Variants in CNTLN observed in about 807,000 individuals in gnomAD.
CNTLN encodes the protein centlein, centrosomal protein.
A neutral mutation model predicts 180.0 loss-of-function variants in CNTLN; 212 were observed. That is an observed-to-expected ratio of 1.18 (90% CI 1.05 to 1.32). CNTLN has a LOEUF of 1.32. Among genes scored for constraint, CNTLN ranks in the 40% most tolerant of loss-of-function variants. The probability of loss-of-function intolerance (pLI) is 0.00; values close to 1 mark genes in which losing one functional copy is unlikely to be tolerated. For missense variants in CNTLN, 2,095 were observed against 1,610.9 expected, an observed-to-expected ratio of 1.30 and a Z score of -5.14; for synonymous variants, 722 against 563.1, an observed-to-expected ratio of 1.28 and a Z score of -3.99.
At chr9:17,491,594 A>G (rs1338424784) in intron 25 of CNTLN, among the ~76,000 whole-genome samples, 3 of 151,912 alleles carry the variant, frequency 2.0e-5, no homozygotes, top group Non-Finnish European at 4.4e-5. Context: ...ATCCTTTTTT[A>G]GGTTTCATTT....
At chr9:17,285,192 C>T (rs1828908120) in intron 6 of CNTLN, among the ~76,000 whole-genome samples, 2 of 131,180 alleles carry the variant, frequency 1.5e-5, no homozygotes, top group East Asian at 4.7e-4. Flanking sequence ...GTGTGATATT[C>T]CCCTTCCTGT....
intron 12 of CNTLN, among the ~76,000 whole-genome samples, chr9:17,357,161 C>G (rs1822914145): frequency 6.6e-6 from 1 of 151,942 alleles, no homozygotes; most frequent in African/African-American, 2.4e-5. Context: ...CAAGATTTAT[C>G]CTTGTTGAAC....
intron 5 of CNTLN, among the ~76,000 whole-genome samples, chr9:17,250,921 A>G (rs531564739): frequency 2.6e-5 from 4 of 151,876 alleles, no homozygotes; most frequent in Non-Finnish European, 5.9e-5. Flanking sequence ...TCCATTTTGC[A>G]TTTCTTGTAG....
intron 25 of CNTLN, among the ~76,000 whole-genome samples, chr9:17,487,495 C>T (rs764214014): frequency 2.0e-5 from 3 of 152,144 alleles, no homozygotes; most frequent in Non-Finnish European, 4.4e-5. Context: ...CACAGCCAGA[C>T]AGCTGTTTAT....
intron 1 of CNTLN, among the ~76,000 whole-genome samples, chr9:17,142,039 G>A (rs4961525): frequency 4.0e-4 from 59 of 146,630 alleles, no homozygotes; most frequent in African/African-American, 1.4e-3. Flanking sequence ...CCGAGATTGC[G>A]CCACTGCACT....
chr9:17,369,764 A>T (rs1587803483), intron 13 of CNTLN, among the ~76,000 whole-genome samples: 1 of 151,830 alleles, frequency 6.6e-6, no homozygotes, highest in East Asian at 2.0e-4. Context: ...AGGTGGGAGG[A>T]TCACCTAATG....
intron 5 of CNTLN, among the ~76,000 whole-genome samples, chr9:17,267,648 C>T (rs1347374401): frequency 6.6e-6 from 1 of 152,142 alleles, no homozygotes; most frequent in Non-Finnish European, 1.5e-5. Flanking sequence ...CAACTTGGTT[C>T]CATTCTCCCC....
intron 2 of CNTLN, among the ~76,000 whole-genome samples, chr9:17,173,281 C>A (rs1034053968): frequency 1.3e-5 from 2 of 152,024 alleles, no homozygotes; most frequent in Non-Finnish European, 2.9e-5. Context: ...GAATAGTAAA[C>A]AAATTAGGGT....
chr9:17,300,790 C>G (rs940728566), intron 7 of CNTLN: 2 of 173,302 alleles, frequency 1.2e-5, no homozygotes, highest in Non-Finnish European at 2.3e-5. Flanking sequence ...TCTTTGCCTT[C>G]TTTTCTTATT....
chr9:17,264,585 T>G, intron 5 of CNTLN, among the ~76,000 whole-genome samples: 1 of 151,780 alleles, frequency 6.6e-6, no homozygotes, highest in Non-Finnish European at 1.5e-5. Context: ...GTGAAGAAAG[T>G]CATTGGTAGC....
intron 12 of CNTLN, among the ~76,000 whole-genome samples, chr9:17,362,281 T>A (rs1385656256): frequency 6.6e-6 from 1 of 152,170 alleles, no homozygotes; most frequent in Admixed American, 6.5e-5. Flanking sequence ...CTTCAGTATG[T>A]TCCACGTTCT....
chr9:17,356,181 T>C (rs1025123103), intron 12 of CNTLN, among the ~76,000 whole-genome samples: 3 of 152,166 alleles, frequency 2.0e-5, no homozygotes, highest in African/African-American at 2.4e-5. Flanking sequence ...TCAAGAGTTG[T>C]GTAAGTTTTT....
chr9:17,454,339 T>C (rs1310888124), intron 18 of CNTLN, among the ~76,000 whole-genome samples: 4 of 152,214 alleles, frequency 2.6e-5, no homozygotes, highest in Non-Finnish European at 4.4e-5. Flanking sequence ...TCAGTACTTA[T>C]TGAAGTCAAC....
At chr9:17,208,226 A>T (rs551991032) in intron 2 of CNTLN, among the ~76,000 whole-genome samples, 1 of 152,258 alleles carries the variant, frequency 6.6e-6, no homozygotes, top group African/African-American at 2.4e-5. Flanking sequence ...AATTGAAATG[A>T]TCATGTGGTT....
chr9:17,217,474 C>T (rs1278811998), intron 2 of CNTLN, among the ~76,000 whole-genome samples: 1 of 152,204 alleles, frequency 6.6e-6, no homozygotes, highest in Non-Finnish European at 1.5e-5. Context: ...TGGTGTTGTA[C>T]CAACTGGATG....
At chr9:17,411,669 A>G (rs897801974) in intron 16 of CNTLN, among the ~76,000 whole-genome samples, 2 of 152,138 alleles carry the variant, frequency 1.3e-5, no homozygotes, top group East Asian at 1.9e-4. Context: ...TCACATAAGC[A>G]TGAACCCCGC....
At chr9:17,215,832 G>C (rs1046533880) in intron 2 of CNTLN, among the ~76,000 whole-genome samples, 3 of 152,142 alleles carry the variant, frequency 2.0e-5, no homozygotes, top group African/African-American at 7.2e-5. Context: ...AGGCTCCGTG[G>C]GTGTGGGACC....
intron 12 of CNTLN, among the ~76,000 whole-genome samples, chr9:17,344,833 A>T (rs1339491185): frequency 6.6e-6 from 1 of 152,158 alleles, no homozygotes; most frequent in African/African-American, 2.4e-5. Flanking sequence ...TACCACTACA[A>T]TCGGTATGCA....
chr9:17,153,213 G>T (rs1819019903), intron 2 of CNTLN, among the ~76,000 whole-genome samples: 1 of 152,068 alleles, frequency 6.6e-6, no homozygotes, highest in Non-Finnish European at 1.5e-5. Context: ...TTAGCTGGTT[G>T]TTTTGCCCAT....
Sources: gnomAD v4.1 joint callset for allele counts (sites outside exome capture counted in the v4.1 genomes callset) on GRCh38, gnomAD v4.1.1 for gene constraint, MANE v1.5 for transcripts, NCBI Gene and HGNC (gene_info 2026-07-23, HGNC 2026-07-21) for gene names.